Variants in IL1RAPL2 observed in about 807,000 individuals in gnomAD.
The protein encoded by IL1RAPL2 is interleukin 1 receptor accessory protein like 2.
In IL1RAPL2, 3 loss-of-function variants were observed where a neutral mutation model predicts 44.1. The ratio of observed to expected loss-of-function variants is 0.07; its 90% CI spans 0.03 to 0.18. The LOEUF (loss-of-function observed/expected upper bound fraction) is 0.18, where lower values mean the gene tolerates loss of function less well. IL1RAPL2 is among the 10% of genes least tolerant of loss of function. The pLI is 1.00. For missense variants in IL1RAPL2, 391 were observed against 496.4 expected (o/e 0.79, Z 2.02); for synonymous variants, 181 against 178.8 (o/e 1.01, Z -0.10).
At chrX:105,114,692 A>G (rs922982483) in intron 2 of IL1RAPL2, among the ~76,000 whole-genome samples, 14 of 111,862 alleles carry the variant, frequency 1.3e-4, no homozygotes, top group Non-Finnish European at 2.6e-4. Context: ...GGGAATTTAC[A>G]GGTTCTCCAA....
chrX:105,370,972 G>T (rs1483389220), intron 5 of IL1RAPL2, among the ~76,000 whole-genome samples: 1 of 112,007 alleles, frequency 8.9e-6, no homozygotes, highest in East Asian at 2.8e-4. Flanking sequence ...TGGTTTTGAT[G>T]TACATTTATC....
intron 1 of IL1RAPL2, among the ~76,000 whole-genome samples, chrX:104,590,459 T>C (rs900566195): frequency 2.8e-5 from 3 of 106,945 alleles, no homozygotes; most frequent in Non-Finnish European, 5.6e-5. Context: ...ATGAACCTAT[T>C]GTTCTTATCT....
chrX:104,771,221 AC>A (rs1165115853), intron 2 of IL1RAPL2, among the ~76,000 whole-genome samples: 1 of 111,677 alleles, frequency 9.0e-6, no homozygotes, highest in Admixed American at 9.5e-5. Flanking sequence ...GCATAGCTTT[AC>A]TCCCACATAC....
At chrX:104,893,165 T>C (rs1173113994) in intron 2 of IL1RAPL2, among the ~76,000 whole-genome samples, 1 of 112,117 alleles carries the variant, frequency 8.9e-6, no homozygotes, top group Non-Finnish European at 1.9e-5. Context: ...CAGTTTGTTA[T>C]AATTTCTGTT....
At chrX:104,611,932 G>A (rs1159541756) in intron 1 of IL1RAPL2, among the ~76,000 whole-genome samples, 1 of 110,384 alleles carries the variant, frequency 9.1e-6, no homozygotes, top group African/African-American at 3.3e-5. Context: ...AGGCACCAGA[G>A]GGAATCTCCT....
intron 5 of IL1RAPL2, among the ~76,000 whole-genome samples, chrX:105,391,878 A>C (rs1319222144): frequency 2.3e-5 from 2 of 87,896 alleles, no homozygotes; most frequent in African/African-American, 8.5e-5. Context: ...CATCATTCTC[A>C]GTAAACTATC....
intron 6 of IL1RAPL2, among the ~76,000 whole-genome samples, chrX:105,525,971 A>G (rs1224725936): frequency 8.9e-6 from 1 of 111,893 alleles, no homozygotes; most frequent in East Asian, 2.8e-4. Context: ...CACAAAAGGT[A>G]GATAATGTTT....
In IL1RAPL2 at chrX:104,829,276, T is replaced by G. The variant is rs369260084; in HGVS notation, c.82+170281T>G. 5.4e-5 allele frequency among the ~76,000 whole-genome samples: 6 copies of G among 111,895 alleles called. No individual in the cohort carries two copies. The East Asian group carries it at 1.7e-3, about 32-fold the overall frequency. On this transcript the variant is annotated intron_variant, in intron 2 of 10. Transcript: ENST00000372582. ...CTTGTGGTATAGGCACCCAAGGGAA[T>G]CTCCTGTTCTGTGGGTTGCAAAGAC...
chrX:105,454,082 T>A (rs889998858), intron 5 of IL1RAPL2, among the ~76,000 whole-genome samples: 2 of 111,267 alleles, frequency 1.8e-5, no homozygotes, highest in Non-Finnish European at 3.8e-5. Flanking sequence ...AGCACCCAAC[T>A]GGGATCAGCT....
chrX:105,224,427 A>G (rs1449103870), intron 3 of IL1RAPL2, among the ~76,000 whole-genome samples: 5 of 111,390 alleles, frequency 4.5e-5, no homozygotes, highest in Admixed American at 2.9e-4. Flanking sequence ...TCACAGAATG[A>G]AATTAGAGGA....
chrX:105,218,754 C>T (rs73534067), intron 3 of IL1RAPL2, among the ~76,000 whole-genome samples: 145 of 106,783 alleles, frequency 1.4e-3, no homozygotes, highest in African/African-American at 4.9e-3. Context: ...TTCTACACCT[C>T]TTTCACAACC....
intron 2 of IL1RAPL2, among the ~76,000 whole-genome samples, chrX:105,125,276 G>C (rs1249242151): frequency 9.0e-6 from 1 of 110,616 alleles, no homozygotes; most frequent in Non-Finnish European, 1.9e-5. Flanking sequence ...GCAGAAAAAA[G>C]GTGCTCAATA....
chrX:105,073,951 C>T (rs1402418162), intron 2 of IL1RAPL2, among the ~76,000 whole-genome samples: 5 of 111,111 alleles, frequency 4.5e-5, no homozygotes, highest in South Asian at 7.5e-4. Flanking sequence ...GCCCTTTGTC[C>T]AATGAGTAGG....
At chrX:105,398,938 T>C (rs2035585301) in intron 5 of IL1RAPL2, among the ~76,000 whole-genome samples, 1 of 111,658 alleles carries the variant, frequency 9.0e-6, no homozygotes, top group Non-Finnish European at 1.9e-5. Flanking sequence ...CTTGACAGTT[T>C]ACAGAAACAT....
intron 4 of IL1RAPL2, among the ~76,000 whole-genome samples, chrX:105,238,831 A>T (rs1291674851): frequency 9.0e-6 from 1 of 111,341 alleles, no homozygotes; most frequent in African/African-American, 3.3e-5. Flanking sequence ...ATTCATTCAT[A>T]GGTTATGATG....
chrX:105,454,522 A>G (rs2036041663), intron 5 of IL1RAPL2, among the ~76,000 whole-genome samples: 1 of 110,884 alleles, frequency 9.0e-6, no homozygotes, highest in Non-Finnish European at 1.9e-5. Flanking sequence ...CACCTCAAAA[A>G]ACAGGCAGTC....
chrX:105,647,260 C>T (rs1020375303), intron 6 of IL1RAPL2, among the ~76,000 whole-genome samples: 6 of 111,513 alleles, frequency 5.4e-5, no homozygotes, highest in African/African-American at 1.3e-4. Flanking sequence ...TGGTGGACAG[C>T]GAGCGAAAGC....
At chrX:104,732,178 A>G (rs1212076754) in intron 2 of IL1RAPL2, among the ~76,000 whole-genome samples, 3 of 111,970 alleles carry the variant, frequency 2.7e-5, no homozygotes, top group Non-Finnish European at 5.6e-5. Flanking sequence ...TTTTCAGTGT[A>G]GAATGTGTAA....
chrX:105,243,999 T>A (rs2034198372), intron 4 of IL1RAPL2, among the ~76,000 whole-genome samples: 1 of 111,715 alleles, frequency 9.0e-6, no homozygotes. Flanking sequence ...ATTGAAATAT[T>A]TTTAGAAGCT....
Sources: allele counts gnomAD v4.1 joint callset (sites outside exome capture counted in the v4.1 genomes callset), GRCh38; gene constraint gnomAD v4.1.1; transcripts MANE v1.5; gene names NCBI Gene and HGNC (gene_info 2026-07-23, HGNC 2026-07-21).